Variants in ACSF3 observed in about 807,000 individuals in gnomAD.
The protein encoded by ACSF3 is acyl-CoA synthetase family member 3.
Under a neutral mutation model 53.2 loss-of-function variants are expected in ACSF3, and 78 were observed. The observed-to-expected ratio is 1.47, with a 90% CI of 1.22 to 1.77. The LOEUF is 1.77. Ranked by LOEUF, ACSF3 falls within the 40% of genes most tolerant of loss-of-function variation. ACSF3 has a pLI of 0.00. For missense variants in ACSF3, 937 were observed against 771.1 expected (o/e 1.22, Z -2.55); for synonymous variants, 414 against 333.1 (o/e 1.24, Z -2.65).
At chr16:89,128,693 T>C (rs993026192) in intron 7 of ACSF3, among the ~76,000 whole-genome samples, 3 of 152,252 alleles carry the variant, frequency 2.0e-5, no homozygotes, top group Non-Finnish European at 4.4e-5. Context: ...TTCCATTATC[T>C]TTCTGTTACT....
intron 1 of ACSF3, 90 bp from the exon 2 acceptor site, chr16:89,098,501 C>T (rs1472101324): frequency 8.2e-6 from 3 of 366,830 alleles, no homozygotes; most frequent in African/African-American, 4.2e-5. Flanking sequence ...AATGAACATG[C>T]TTCCCTTCCC....
chr16:89,148,657 G>C (rs1025802510), intron 10 of ACSF3: 2 of 152,294 alleles, frequency 1.3e-5, no homozygotes, highest in Non-Finnish European at 2.9e-5. Flanking sequence ...GCAGTAGCCA[G>C]GGCCCCACTG....
rs374924187 is a variant in ACSF3 at position 89,147,150 on chromosome 16, G to C, written c.1613+1101G>C. Among the ~76,000 whole-genome samples, 274 of 145,550 alleles carry C rather than the reference G, an allele frequency of 1.9e-3. 4 individuals are homozygous for C. In the East Asian group the frequency reaches 0.032, roughly 17 times the overall value. ...GGAGGGAGGAGGGAGGAGCCACAGA[G>C]TGAGTGAGGGAGGAGGGAGGGTCCA... On this transcript the variant is annotated intron_variant, in intron 10 of 10. Coordinates refer to ENST00000614302, the MANE Select transcript of ACSF3 (RefSeq NM_001243279.3).
rs1315251471 is a variant in ACSF3, at chr16:89,112,236, GA to G, written c.973del (p.Ile325LeufsTer3). 1.2e-6 allele frequency: 2 copies of G among 1,614,014 alleles called. No homozygotes were observed. The highest frequency in any genetic ancestry group is 1.7e-6 in the Non-Finnish European group (2 of 1,180,030). ...GGATTTCTTGCGTGCAGTTTGTGAAGAAAAAATTAGGTAAGTGAAAAGAGCC... is the reference window on the plus strand; with the variant it reads ...GGATTTCTTGCGTGCAGTTTGTGAAGAAAAATTAGGTAAGTGAAAAGAGCC... ...AQDFLRAVCE[E>X]KIRLMVSGSA... On this transcript the variant is annotated frameshift_variant, in exon 5 of 11. Transcript: ENST00000614302. LOFTEE classifies it high-confidence loss of function.
At chr16:89,141,594 G>A (rs563615514) in intron 8 of ACSF3, among the ~76,000 whole-genome samples, 67 of 151,850 alleles carry the variant, frequency 4.4e-4, no homozygotes, top group African/African-American at 1.3e-3. Context: ...CAAGGCGTCC[G>A]GGCAAAGGCA....
At chr16:89,095,788 C>T (rs1293277915) in intron 1 of ACSF3, among the ~76,000 whole-genome samples, 3 of 152,224 alleles carry the variant, frequency 2.0e-5, no homozygotes, top group African/African-American at 7.2e-5. Flanking sequence ...CCGGGCCATT[C>T]GTACATTCTC....
intron 4 of ACSF3, 75 bp downstream of exon 4, chr16:89,102,834 C>CCG: frequency 6.3e-7 from 1 of 1,576,520 alleles, no homozygotes; most frequent in African/African-American, 1.3e-5. Flanking sequence ...GGGCTCTCAG[C>CCG]CGCGCCCTCA....
In ACSF3 at chr16:89,101,008, C is replaced by G; in HGVS notation, c.327C>G (p.Val109=). ...TATGCGCTAACGATGCCTCCTACGT[C>G]GTGGCCCAGTGGGCGTCATGGATGA... ...SFLCANDASY[V]VAQWASWMSG... Residue 109 remains valine, a synonymous_variant, in exon 3 of 11, where the codon GTC becomes GTG. Transcript: ENST00000614302. 1 of 1,613,746 alleles carries G rather than the reference C, an allele frequency of 6.2e-7. No homozygotes were observed. Among genetic ancestry groups the G allele is most frequent in the South Asian group, 1.1e-5 (1 of 91,080 alleles).
intron 8 of ACSF3, among the ~76,000 whole-genome samples, chr16:89,134,527 G>A (rs1055937217): frequency 5.3e-5 from 8 of 152,310 alleles, no homozygotes; most frequent in Non-Finnish European, 1.2e-4. Context: ...GACGGCGAGC[G>A]AAAGCTCAAC....
At chr16:89,137,477 G>A (rs1445698963) in intron 8 of ACSF3, among the ~76,000 whole-genome samples, 3 of 125,596 alleles carry the variant, frequency 2.4e-5, no homozygotes, top group Non-Finnish European at 3.3e-5. Flanking sequence ...AGGAGCTCAC[G>A]GGGAAAGATT....
In ACSF3 at chr16:89,154,702, G is replaced by T. The variant is rs1211297171; in HGVS notation, c.*495G>T. On this transcript the variant is annotated 3_prime_UTR_variant, in exon 11 of 11. Coordinates refer to ENST00000614302, the MANE Select transcript of ACSF3 (RefSeq NM_001243279.3). Reference sequence around the variant, plus strand: ...GGGGGCCCTCCTGGGAGGAGCTGAGGGTTCACAAGCCTCCCAGAACCAGCC... The same window carrying T: ...GGGGGCCCTCCTGGGAGGAGCTGAGTGTTCACAAGCCTCCCAGAACCAGCC... The T allele has an allele frequency of 2.2e-6, 1 of 454,234 alleles. No homozygotes were observed. Among genetic ancestry groups the T allele is most frequent in the Non-Finnish European group, 4.4e-6 (1 of 226,876 alleles). 28.1% of individuals were successfully genotyped at this position (454,234 alleles called of 1,614,324 possible). A position where few individuals can be genotyped will look rare whatever the true frequency, so the allele number is the denominator to read the frequency against.
At chr16:89,138,967 G>A (rs950329712) in intron 8 of ACSF3, among the ~76,000 whole-genome samples, 4 of 152,212 alleles carry the variant, frequency 2.6e-5, no homozygotes, top group South Asian at 4.1e-4. Flanking sequence ...CCCCAGACTC[G>A]CCGGCTGCTG....
At position 89,121,052 on chromosome 16, in the gene ACSF3, T is replaced by C. The variant is rs1906531713; in HGVS notation, c.1239+139T>C. The C allele has an allele frequency of 9.5e-6, 7 of 733,752 alleles. No homozygotes were observed. In the South Asian group the frequency reaches 1.2e-4, roughly 12 times the overall value. The allele number at this position is 733,752 out of a possible 1,614,324, so 45.5% of individuals were successfully genotyped here. On this transcript the variant is annotated intron_variant, in intron 7 of 10. Transcript: ENST00000614302. ...CCAGCCCCCTGGACACTGCAGGTGC[T>C]GGCTGGTGTTGCAAGGGCACTGGCT...
At chr16:89,129,987 A>G (rs554428478) in intron 7 of ACSF3, among the ~76,000 whole-genome samples, 3 of 152,354 alleles carry the variant, frequency 2.0e-5, no homozygotes, top group Admixed American at 6.5e-5. Flanking sequence ...TTTGCTTTCA[A>G]CAGTCAAAAA....
intron 6 of ACSF3, among the ~76,000 whole-genome samples, chr16:89,115,747 T>C (rs1392738014): frequency 6.6e-6 from 1 of 152,208 alleles, no homozygotes; most frequent in Non-Finnish European, 1.5e-5. Flanking sequence ...CACCTGCTGC[T>C]CCAGCGGGCG....
chr16:89,153,646 C>A, intron 10 of ACSF3: 1 of 299,426 alleles, frequency 3.3e-6, no homozygotes, highest in Non-Finnish European at 6.6e-6. Context: ...GGGCAGACTG[C>A]CCCTGCCCCA....
intron 2 of ACSF3, among the ~76,000 whole-genome samples, chr16:89,100,058 A>G (rs572194345): frequency 6.6e-6 from 1 of 151,366 alleles, no homozygotes; most frequent in Non-Finnish European, 1.5e-5. Flanking sequence ...ACAGGATGGC[A>G]TGAGCCCAGG....
At chr16:89,111,466 G>T (rs528839380) in intron 4 of ACSF3, among the ~76,000 whole-genome samples, 3 of 152,248 alleles carry the variant, frequency 2.0e-5, no homozygotes, top group African/African-American at 7.2e-5. Context: ...ACAGCACGAA[G>T]AGTGCCCTCC....
intron 7 of ACSF3, 67 bp from the exon 8 acceptor site, chr16:89,133,068 GT>G (rs1268711431): frequency 1.4e-5 from 22 of 1,609,638 alleles, no homozygotes; most frequent in Admixed American, 5.0e-5. Flanking sequence ...GCAGCCCACA[GT>G]TTCAGAAAGC....
Sources: allele counts gnomAD v4.1 joint callset (sites outside exome capture counted in the v4.1 genomes callset), GRCh38; gene constraint gnomAD v4.1.1; transcripts MANE v1.5; gene names NCBI Gene and HGNC (gene_info 2026-07-23, HGNC 2026-07-21).